CHST9: variants seen among roughly 807,000 people sequenced by gnomAD.
CHST9 encodes the protein GalNAc-4-sulfotransferase 2.
In CHST9, 41 loss-of-function variants were observed where a neutral mutation model predicts 44.4. That is an observed-to-expected ratio of 0.92 (90% CI 0.72 to 1.20). The LOEUF is 1.20. Ranked by LOEUF, CHST9 falls within the 50% of genes most tolerant of loss-of-function variation. The probability of loss-of-function intolerance (pLI) is 0.00; values close to 1 mark genes in which losing one functional copy is unlikely to be tolerated. For missense variants in CHST9, 504 were observed against 516.5 expected (o/e 0.98, Z 0.23); for synonymous variants, 171 against 178.4 (o/e 0.96, Z 0.33).
At chr18:26,942,929 G>A (rs991497681) in intron 5 of CHST9, among the ~76,000 whole-genome samples, 4 of 152,058 alleles carry the variant, frequency 2.6e-5, no homozygotes, top group Non-Finnish European at 5.9e-5. Context: ...CCAACATGGT[G>A]AAACCTGGTC....
intron 1 of CHST9, among the ~76,000 whole-genome samples, chr18:27,173,093 A>G (rs1221176505): frequency 6.6e-6 from 1 of 151,976 alleles, no homozygotes; most frequent in East Asian, 1.9e-4. Context: ...TGAAGAAATA[A>G]ATTTTTATTT....
intron 4 of CHST9, among the ~76,000 whole-genome samples, chr18:27,004,086 A>C (rs2056984579): frequency 6.6e-6 from 1 of 152,122 alleles, no homozygotes; most frequent in South Asian, 2.1e-4. Flanking sequence ...AACCAAAACC[A>C]GAACTCAGTC....
intron 5 of CHST9, among the ~76,000 whole-genome samples, chr18:26,931,255 C>T (rs940348228): frequency 6.6e-5 from 10 of 152,296 alleles, no homozygotes; most frequent in Non-Finnish European, 1.0e-4. Context: ...GGAACAAACA[C>T]GTCTTATTGC....
chr18:27,043,185 T>C (rs1231507785), intron 3 of CHST9, among the ~76,000 whole-genome samples: 2 of 152,000 alleles, frequency 1.3e-5, no homozygotes, highest in Non-Finnish European at 2.9e-5. Flanking sequence ...GGGGATGTTC[T>C]AAGGATTCAG....
intron 4 of CHST9, among the ~76,000 whole-genome samples, chr18:26,969,346 T>C (rs1338361117): frequency 6.7e-6 from 1 of 150,248 alleles, no homozygotes; most frequent in Admixed American, 6.6e-5. Context: ...TACTAGCTAG[T>C]CTTCCTTTTT....
At position 27,142,781 on chromosome 18, in the gene CHST9, G is replaced by T; in HGVS notation, c.29C>A (p.Pro10His). ...CAGCACAGAGAGGAAGACTTGTTTGGGGTTCATGACCATTTCAGATGGCTG... is the reference window on the plus strand; with the variant it reads ...CAGCACAGAGAGGAAGACTTGTTTGTGGTTCATGACCATTTCAGATGGCTG... MQPSEMVMN[P>H]KQVFLSVLIF... Residue 10 changes from proline to histidine, a missense_variant, in exon 2 of 6, where the codon CCC becomes CAC. Transcript: ENST00000618847. The T allele has an allele frequency of 6.2e-7, 1 of 1,611,150 alleles. No individual in the cohort carries two copies. Among genetic ancestry groups the T allele is most frequent in the South Asian group, 1.1e-5 (1 of 90,252 alleles).
chr18:27,024,770 C>T (rs1005470670), intron 3 of CHST9, among the ~76,000 whole-genome samples: 12 of 152,032 alleles, frequency 7.9e-5, no homozygotes, highest in African/African-American at 2.4e-4. Context: ...TTATCCAGAA[C>T]GAATGAAAGT....
At chr18:27,165,925 G>A (rs4239447) in intron 1 of CHST9, among the ~76,000 whole-genome samples, 62,422 of 151,896 alleles carry the variant, frequency 0.41, 13,234 homozygotes, top group East Asian at 0.62. Flanking sequence ...CTTTTTTAAC[G>A]GCTACAAGTT....
At chr18:27,017,616 G>A (rs911680550) in intron 4 of CHST9, among the ~76,000 whole-genome samples, 8 of 152,280 alleles carry the variant, frequency 5.3e-5, no homozygotes, top group African/African-American at 1.7e-4. Flanking sequence ...AGAAGGGTAG[G>A]GAGGTAGGTG....
At chr18:27,125,620 C>G (rs950943170) in intron 2 of CHST9, among the ~76,000 whole-genome samples, 1 of 152,066 alleles carries the variant, frequency 6.6e-6, no homozygotes, top group South Asian at 2.1e-4. Context: ...GAGATTCATA[C>G]TAAATATGTA....
chr18:27,014,607 G>A (rs778344152), intron 4 of CHST9, among the ~76,000 whole-genome samples: 13 of 150,478 alleles, frequency 8.6e-5, no homozygotes, highest in Non-Finnish European at 1.3e-4. Context: ...CTTAACTACA[G>A]ATTTACTTCT....
At chr18:27,160,468 T>C (rs1459529765) in intron 1 of CHST9, among the ~76,000 whole-genome samples, 32 of 152,230 alleles carry the variant, frequency 2.1e-4, no homozygotes, top group Admixed American at 2.1e-3. Context: ...GCCCACTTGA[T>C]CATGGTGGAT....
intron 5 of CHST9, among the ~76,000 whole-genome samples, chr18:26,940,906 G>A (rs1208314748): frequency 1.3e-5 from 2 of 152,212 alleles, no homozygotes; most frequent in African/African-American, 4.8e-5. Context: ...GGGACACAAA[G>A]GGAGGGCAGC....
chr18:27,175,251 T>C (rs1440014173), intron 1 of CHST9, among the ~76,000 whole-genome samples: 1 of 152,036 alleles, frequency 6.6e-6, no homozygotes, highest in African/African-American at 2.4e-5. Context: ...GCCATATGAA[T>C]AGGTAACTTT....
At chr18:26,958,772 T>C (rs1332195629) in intron 4 of CHST9, among the ~76,000 whole-genome samples, 1 of 152,140 alleles carries the variant, frequency 6.6e-6, no homozygotes, top group South Asian at 2.1e-4. Context: ...CACAATGAGA[T>C]AGCATCTCAT....
intron 2 of CHST9, among the ~76,000 whole-genome samples, chr18:27,086,937 T>C (rs1034517038): frequency 3.3e-5 from 5 of 152,130 alleles, no homozygotes; most frequent in African/African-American, 1.2e-4. Context: ...GTGGTTTCTT[T>C]AATTTTCTAA....
chr18:27,118,873 T>G (rs1426874), intron 2 of CHST9, among the ~76,000 whole-genome samples: 2,727 of 152,344 alleles, frequency 0.018, 71 homozygotes, highest in African/African-American at 0.06. Flanking sequence ...AATCAAAATC[T>G]CTGCCTAAAT....
intron 1 of CHST9, among the ~76,000 whole-genome samples, chr18:27,162,672 T>C (rs2058757140): frequency 1.3e-5 from 2 of 152,182 alleles, no homozygotes; most frequent in African/African-American, 2.4e-5. Context: ...CTAGATCCTT[T>C]AAGGACTTCT....
chr18:27,015,323 TTGTGTGTGTGTGTG>T (rs10690815), intron 4 of CHST9, among the ~76,000 whole-genome samples: 1 of 146,344 alleles, frequency 6.8e-6, no homozygotes, highest in Admixed American at 6.8e-5. Context: ...AGAGAGGCAG[TTGTGTGTGTGTGTG>T]TGTGTGTGTG....
Sources: gnomAD v4.1 joint callset for allele counts (sites outside exome capture counted in the v4.1 genomes callset) on GRCh38, gnomAD v4.1.1 for gene constraint, MANE v1.5 for transcripts, NCBI Gene and HGNC (gene_info 2026-07-23, HGNC 2026-07-21) for gene names.